Variants in DOCK2 observed in about 807,000 individuals in gnomAD.
DOCK2 encodes dedicator of cytokinesis 2.
A neutral mutation model predicts 248.9 loss-of-function variants in DOCK2; 87 were observed. The ratio of observed to expected loss-of-function variants is 0.35; its 90% CI spans 0.29 to 0.42. The LOEUF is 0.42. DOCK2 is among the 10% of genes least tolerant of loss of function. The pLI, the probability that DOCK2 is intolerant of heterozygous loss-of-function variation, is 1.00. For synonymous variants in DOCK2, 805 were observed against 821.6 expected (o/e 0.98, Z 0.35); for missense variants, 1,747 against 2,300.2 (o/e 0.76, Z 4.92).
rs776934351 is a variant in DOCK2 at position 169,928,286 on chromosome 5, CCTGTTCTTGCCCAGT to C, written c.2800-54769_2800-54755del. 7.9e-5 allele frequency among the ~76,000 whole-genome samples: 12 copies of C among 152,274 alleles called. No homozygotes were observed. In the East Asian group the frequency reaches 1.7e-3, roughly 22 times the overall value. ...CACCAGATGGCCCTCGGTGGGCCAG[CCTGTTCTTGCCCAGT>C]CTGTTCTTGCCCTGTTCTGACCAGT... On this transcript the variant is annotated intron_variant, in intron 27 of 51. Coordinates refer to ENST00000520908, the MANE Select transcript of DOCK2 (RefSeq NM_004946.3).
intron 26 of DOCK2, among the ~76,000 whole-genome samples, chr5:169,825,836 GA>G (rs1382522347): frequency 2.1e-5 from 3 of 142,976 alleles, no homozygotes; most frequent in Non-Finnish European, 3.1e-5. Context: ...AAAAAAAAAA[GA>G]AAAAAACAAA....
At chr5:169,942,004 T>C (rs1776263043) in intron 27 of DOCK2, among the ~76,000 whole-genome samples, 1 of 152,246 alleles carries the variant, frequency 6.6e-6, no homozygotes, top group Non-Finnish European at 1.5e-5. Flanking sequence ...ATCTGTTCTG[T>C]AGTTGCAAAA....
intron 30 of DOCK2, among the ~76,000 whole-genome samples, chr5:170,003,775 G>C (rs1000976476): frequency 1.3e-5 from 2 of 152,222 alleles, no homozygotes; most frequent in Non-Finnish European, 2.9e-5. Context: ...TTGGGAACAA[G>C]AGTGAAGAAA....
intron 27 of DOCK2, among the ~76,000 whole-genome samples, chr5:169,844,721 T>C (rs1349520257): frequency 6.7e-6 from 1 of 149,364 alleles, no homozygotes; most frequent in African/African-American, 2.5e-5. Context: ...GATCACATTT[T>C]CATGTGCTCT....
At chr5:170,004,925 G>C (rs1181647257) in intron 30 of DOCK2, among the ~76,000 whole-genome samples, 2 of 121,870 alleles carry the variant, frequency 1.6e-5, no homozygotes, top group East Asian at 5.5e-4. Flanking sequence ...GGTGGGGTGG[G>C]GGGAGGGGGG....
At chr5:170,035,349 C>T (rs1038485793) in intron 35 of DOCK2, among the ~76,000 whole-genome samples, 3 of 152,220 alleles carry the variant, frequency 2.0e-5, no homozygotes, top group African/African-American at 7.2e-5. Flanking sequence ...AAACACAAAA[C>T]CTGTCCCCAG....
At chr5:169,774,270 A>G (rs1263049201) in intron 25 of DOCK2, among the ~76,000 whole-genome samples, 1 of 152,224 alleles carries the variant, frequency 6.6e-6, no homozygotes, top group Non-Finnish European at 1.5e-5. Context: ...ACTATTAACA[A>G]AATACAGTAA....
In DOCK2 at chr5:169,812,904, C is replaced by T. The variant is rs113656020; in HGVS notation, c.2703+9698C>T. Among the ~76,000 whole-genome samples the T allele has an allele frequency of 3.0e-3, 450 of 152,376 alleles. 5 individuals carry two copies. The highest frequency in any genetic ancestry group is 0.01 in the African/African-American group (434 of 41,598). On this transcript the variant is annotated intron_variant, in intron 26 of 51. Coordinates refer to ENST00000520908, the MANE Select transcript of DOCK2 (RefSeq NM_004946.3). ...ATTGAGGGCAACCCCCAAGCCAGCC[C>T]TGGTGGCAGCCAGATGGTTTGGAGC...
At chr5:169,665,051 T>G (rs1758649636) in intron 2 of DOCK2, among the ~76,000 whole-genome samples, 1 of 85,756 alleles carries the variant, frequency 1.2e-5, no homozygotes, top group African/African-American at 4.7e-5. Context: ...TATCTATATA[T>G]GTTTATATAT....
chr5:169,820,170 C>T (rs1026084231), intron 26 of DOCK2, among the ~76,000 whole-genome samples: 1 of 152,242 alleles, frequency 6.6e-6, no homozygotes, highest in Admixed American at 6.5e-5. Context: ...GGCCTGCATG[C>T]CTCTGTAGAC....
chr5:169,868,985 C>T (rs1771770595), intron 27 of DOCK2, among the ~76,000 whole-genome samples: 1 of 152,146 alleles, frequency 6.6e-6, no homozygotes, highest in African/African-American at 2.4e-5. Context: ...CAAGTTTCTT[C>T]TCTTCCCACG....
At chr5:169,909,315 A>G (rs1326951324) in intron 27 of DOCK2, among the ~76,000 whole-genome samples, 4 of 152,260 alleles carry the variant, frequency 2.6e-5, no homozygotes, top group Non-Finnish European at 5.9e-5. Flanking sequence ...CATGTTCAAC[A>G]GTATAGAACA....
chr5:169,865,519 C>T (rs184280986), intron 27 of DOCK2, among the ~76,000 whole-genome samples: 6 of 152,300 alleles, frequency 3.9e-5, no homozygotes, highest in Admixed American at 2.0e-4. Context: ...GGGCTGAGCA[C>T]GGGTTCCCTC....
intron 26 of DOCK2, among the ~76,000 whole-genome samples, chr5:169,806,516 C>T (rs534329778): frequency 7.2e-5 from 11 of 152,080 alleles, no homozygotes; most frequent in African/African-American, 2.2e-4. Flanking sequence ...AACCCCATCT[C>T]CAAGCCGAAG....
chr5:169,711,092 G>A (rs1478349923), intron 15 of DOCK2, among the ~76,000 whole-genome samples: 1 of 152,210 alleles, frequency 6.6e-6, no homozygotes, highest in Non-Finnish European at 1.5e-5. Context: ...TAGACAGGAT[G>A]GTGGACCTCC....
In DOCK2 at chr5:169,862,737, T is replaced by G. The variant is rs10475925; in HGVS notation, c.2799+21885T>G. Among the ~76,000 whole-genome samples, 373 of 152,352 alleles carry G rather than the reference T, an allele frequency of 2.4e-3. 3 individuals are homozygous for G. Among genetic ancestry groups the G allele is most frequent in the African/African-American group, 8.7e-3 (360 of 41,582 alleles). On this transcript the variant is annotated intron_variant, in intron 27 of 51. Transcript: ENST00000520908. ...TGCCAAATTTCCCTTTCATTCTCAC[T>G]GAAATAGCTTTGTTCACTGCATCAC...
intron 27 of DOCK2, among the ~76,000 whole-genome samples, chr5:169,957,042 G>A (rs1776897906): frequency 6.6e-6 from 1 of 151,914 alleles, no homozygotes; most frequent in South Asian, 2.1e-4. Flanking sequence ...GGGCTTACTA[G>A]ATGTTGAGTA....
chr5:169,943,816 G>A (rs1776338608), intron 27 of DOCK2, among the ~76,000 whole-genome samples: 1 of 152,198 alleles, frequency 6.6e-6, no homozygotes, highest in Non-Finnish European at 1.5e-5. Flanking sequence ...CAGCCCCCAA[G>A]GTGACTCTGA....
chr5:169,841,545 A>G, intron 27 of DOCK2: 6 of 773,768 alleles, frequency 7.8e-6, no homozygotes, highest in Non-Finnish European at 9.4e-6. Context: ...ATGGTTGTCC[A>G]TCTCACTCAG....
Sources: allele counts gnomAD v4.1 joint callset (sites outside exome capture counted in the v4.1 genomes callset), GRCh38; gene constraint gnomAD v4.1.1; transcripts MANE v1.5; gene names NCBI Gene and HGNC (gene_info 2026-07-23, HGNC 2026-07-21).